Variants in RNF220 observed in about 807,000 individuals in gnomAD.
RNF220 encodes the protein E3 ubiquitin-protein ligase RNF220.
In RNF220, 7 loss-of-function variants were observed where a neutral mutation model predicts 67.1. The ratio of observed to expected loss-of-function variants is 0.10; its 90% confidence interval spans 0.06 to 0.20. RNF220 has a LOEUF of 0.20. RNF220 is among the 10% of genes least tolerant of loss of function. RNF220 has a pLI of 1.00. For missense variants in RNF220, 565 were observed against 740.3 expected (o/e 0.76, Z 2.75); for synonymous variants, 270 against 283.2 (o/e 0.95, Z 0.47).
At chr1:44,485,359 G>C (rs1029166051) in intron 2 of RNF220, among the ~76,000 whole-genome samples, 1 of 152,144 alleles carries the variant, frequency 6.6e-6, no homozygotes, top group African/African-American at 2.4e-5. Flanking sequence ...ACAAATGGGA[G>C]GTCTCCCGGG....
At chr1:44,640,435 A>G (rs778453240) in intron 8 of RNF220, among the ~76,000 whole-genome samples, 1 of 152,194 alleles carries the variant, frequency 6.6e-6, no homozygotes, top group Non-Finnish European at 1.5e-5. Context: ...GCAAGGAGCA[A>G]GGCACCTTCT....
At chr1:44,493,717 G>A (rs1657065887) in intron 2 of RNF220, among the ~76,000 whole-genome samples, 1 of 152,026 alleles carries the variant, frequency 6.6e-6, no homozygotes, top group South Asian at 2.1e-4. Flanking sequence ...GCATGCACCT[G>A]TAGTTCCAGC....
At chr1:44,472,944 G>C (rs1339729555) in intron 2 of RNF220, among the ~76,000 whole-genome samples, 2 of 152,112 alleles carry the variant, frequency 1.3e-5, no homozygotes, top group African/African-American at 4.8e-5. Context: ...CACTCACTTT[G>C]CCCTAACTAG....
At chr1:44,608,146 A>G (rs892649144) in intron 2 of RNF220, among the ~76,000 whole-genome samples, 8 of 151,716 alleles carry the variant, frequency 5.3e-5, no homozygotes, top group African/African-American at 1.9e-4. Context: ...GCTGGTCTCA[A>G]ACTCCTGGCC....
At chr1:44,462,169 G>A (rs1653839155) in intron 2 of RNF220, among the ~76,000 whole-genome samples, 1 of 151,950 alleles carries the variant, frequency 6.6e-6, no homozygotes, top group South Asian at 2.1e-4. Context: ...TCCTGCTCAA[G>A]TGATCCGCCC....
In RNF220 at chr1:44,650,158, C is replaced by T; in HGVS notation, c.1629+201C>T. Reference sequence around the variant, plus strand: ...CCCAACTGCAGGTTTAGGAACTTCTCCCCCTCCATGAGTTCACTGCATTCT... The same window carrying T: ...CCCAACTGCAGGTTTAGGAACTTCTTCCCCTCCATGAGTTCACTGCATTCT... On this transcript the variant is annotated intron_variant, in intron 14 of 14. Coordinates refer to ENST00000361799, the MANE Select transcript of RNF220 (RefSeq NM_018150.4). This position sits in a 1 kb window ranked among gnomAD's most constrained non-coding sequence, Gnocchi z 4.3. The T allele has an allele frequency of 1.6e-6, 1 of 614,758 alleles. No homozygotes were observed. Among genetic ancestry groups the T allele is most frequent in the Non-Finnish European group, 2.9e-6 (1 of 350,688 alleles). 38.1% of individuals were successfully genotyped at this position (614,758 alleles called of 1,614,324 possible).
chr1:44,568,719 T>C (rs1359859645), intron 2 of RNF220, among the ~76,000 whole-genome samples: 2 of 152,224 alleles, frequency 1.3e-5, no homozygotes, highest in South Asian at 2.1e-4. Context: ...CAGGAGAGGC[T>C]GGGACGCGTG....
intron 2 of RNF220, among the ~76,000 whole-genome samples, chr1:44,612,229 A>C (rs982477620): frequency 3.9e-5 from 6 of 152,184 alleles, no homozygotes; most frequent in Admixed American, 2.0e-4. Context: ...TCTGTTCTTC[A>C]TCCCCACCTT....
In RNF220 at chr1:44,481,880, A is replaced by T. The variant is rs552344447; in HGVS notation, c.625+69158A>T. ...AGTTTAAAAGACAAGAAGGGATGGA[A>T]TCCAGACCACTTGTGAGGGATTAGA... is the stretch of plus-strand genomic sequence containing the variant. On this transcript the variant is annotated intron_variant, in intron 2 of 14. Coordinates refer to ENST00000361799, the MANE Select transcript of RNF220 (RefSeq NM_018150.4). 2.0e-5 allele frequency among the ~76,000 whole-genome samples: 3 copies of T among 152,344 alleles called. No individual in the cohort carries two copies. In the East Asian group the frequency reaches 5.8e-4, roughly 29 times the overall value.
intron 2 of RNF220, among the ~76,000 whole-genome samples, chr1:44,604,238 G>C (rs928278872): frequency 6.6e-6 from 1 of 152,214 alleles, no homozygotes; most frequent in East Asian, 1.9e-4. Context: ...CCAGACACTT[G>C]AGAGGATGCA....
At chr1:44,646,869 C>T (rs947426144) in intron 12 of RNF220, among the ~76,000 whole-genome samples, 2 of 152,208 alleles carry the variant, frequency 1.3e-5, no homozygotes, top group Non-Finnish European at 2.9e-5. Context: ...TTCTCTATTT[C>T]TTGCCCTAGA....
chr1:44,650,117 C>T lies in RNF220; in HGVS notation c.1629+160C>T, dbSNP rs1644751952. ...TACCCGCAGGATATTTACCCCCAGG[C>T]TCGCTGCCTCTCCTCCCCAACTGCA... is the stretch of plus-strand genomic sequence containing the variant. On this transcript the variant is annotated intron_variant, in intron 14 of 14. Coordinates refer to ENST00000361799, the MANE Select transcript of RNF220 (RefSeq NM_018150.4). This position sits in a 1 kb window ranked among gnomAD's most constrained non-coding sequence, Gnocchi z 4.3. 1 of 711,184 alleles carries T rather than the reference C, an allele frequency of 1.4e-6. No homozygotes were observed. The highest frequency in any genetic ancestry group is 2.7e-5 in the East Asian group (1 of 36,656). 44.1% of individuals were successfully genotyped at this position (711,184 alleles called of 1,614,324 possible).
At chr1:44,425,659 G>T (rs570104166) in intron 2 of RNF220, among the ~76,000 whole-genome samples, 1 of 152,312 alleles carries the variant, frequency 6.6e-6, no homozygotes, top group South Asian at 2.1e-4. Flanking sequence ...GTTTCTCTGA[G>T]CCCCAGCTCC....
chr1:44,645,133 G>A lies in RNF220; in HGVS notation c.1310+52G>A. On this transcript the variant is annotated intron_variant, in intron 10 of 14. Coordinates refer to ENST00000361799, the MANE Select transcript of RNF220 (RefSeq NM_018150.4). This position sits in a 1 kb window ranked among gnomAD's most constrained non-coding sequence, Gnocchi z 5.0. Reference sequence around the variant, plus strand: ...GTGGAGCAGAGAAACAGGAAGCCCTGAGGCAGGGGTTAACGCAGTACTGAC... The same window carrying A: ...GTGGAGCAGAGAAACAGGAAGCCCTAAGGCAGGGGTTAACGCAGTACTGAC... 1 of 1,613,074 alleles carries A rather than the reference G, an allele frequency of 6.2e-7. No individual in the cohort carries two copies. Among genetic ancestry groups the A allele is most frequent in the Non-Finnish European group, 8.5e-7 (1 of 1,179,050 alleles).
intron 2 of RNF220, among the ~76,000 whole-genome samples, chr1:44,535,253 G>C (rs1390596523): frequency 5.4e-5 from 8 of 148,090 alleles, no homozygotes; most frequent in African/African-American, 1.8e-4. Context: ...CGATTCTCCT[G>C]TCTCACCCTC....
chr1:44,530,945 A>G (rs1660791533), intron 2 of RNF220, among the ~76,000 whole-genome samples: 1 of 152,212 alleles, frequency 6.6e-6, no homozygotes, highest in South Asian at 2.1e-4. Context: ...CCTGGGTGAC[A>G]GGGTGAGACT....
Position 44,645,272 on chromosome 1 carries a change from T to G in RNF220, c.1362T>G (p.Ser454Arg). The G allele has an allele frequency of 6.2e-7, 1 of 1,613,890 alleles. No individual in the cohort carries two copies. The change falls in exon 11 of 15, where the codon AGT becomes AGG. Residue 454 changes from serine to arginine, a missense_variant. Ser to Arg is a moderately radical substitution (Grantham distance 110, BLOSUM62 -1). Coordinates refer to ENST00000361799, the MANE Select transcript of RNF220 (RefSeq NM_018150.4). This position sits in a 1 kb window ranked among gnomAD's most constrained non-coding sequence, Gnocchi z 5.0. ...CACCTGAGTTCTCTAAATGGGCCAG[T>G]GATGGTAAGTCCTGCCCCAGGTTAG... Reference protein sequence around the residue: ...RITPEFSKWASDEMPSTSNGE... With the variant: ...RITPEFSKWARDEMPSTSNGE...
Position 44,635,564 on chromosome 1 carries a change from A to G in RNF220, c.969A>G (p.Lys323=), listed in dbSNP as rs772196586. ...TRLNARIGKM[K]RRKQDEGQRE... The stretch of plus-strand genomic sequence containing the variant: ...GTGCAGCTCGGATTGGGAAAATGAA[A>G]CGGAGGAAGCAAGATGAAGGGCAGG... Residue 323 remains lysine, a synonymous_variant, in exon 7 of 15, where the codon AAA becomes AAG. Coordinates refer to ENST00000361799, the MANE Select transcript of RNF220 (RefSeq NM_018150.4). The G allele has an allele frequency of 1.9e-6, 3 of 1,614,112 alleles. No individual in the cohort carries two copies. The highest frequency in any genetic ancestry group is 1.3e-5 in the African/African-American group (1 of 75,036).
chr1:44,614,365 G>A, intron 3 of RNF220, 68 bp downstream of exon 3: 4 of 1,575,088 alleles, frequency 2.5e-6, no homozygotes, highest in Middle Eastern at 2.2e-4. Context: ...CCGGATCCCA[G>A]AAGCAGCCGC....
Sources: allele counts gnomAD v4.1 joint callset (sites outside exome capture counted in the v4.1 genomes callset), GRCh38; gene constraint gnomAD v4.1.1; non-coding constraint Gnocchi (gnomAD v3.1); transcripts MANE v1.5; gene names NCBI Gene and HGNC (gene_info 2026-07-23, HGNC 2026-07-21).